The following ZFHX3 variants were observed in gnomAD, a reference collection of about 807,000 sequenced individuals.
ZFHX3 encodes zinc finger homeobox protein 3.
A neutral mutation model predicts 279.1 loss-of-function variants in ZFHX3; 42 were observed. That is an observed-to-expected ratio of 0.15 (90% CI 0.12 to 0.19). The LOEUF (loss-of-function observed/expected upper bound fraction) is 0.19, where lower values mean the gene tolerates loss of function less well. Ranked by LOEUF, ZFHX3 falls within the 10% of genes least tolerant of loss-of-function variation. ZFHX3 has a pLI of 1.00. For missense variants in ZFHX3, 4,981 were observed against 4,754.0 expected (o/e 1.05, Z -1.40); for synonymous variants, 2,293 against 1,957.8 (o/e 1.17, Z -4.52).
intron 5 of ZFHX3, among the ~76,000 whole-genome samples, chr16:73,188,654 G>A (rs1441175674): frequency 6.6e-6 from 1 of 152,078 alleles, no homozygotes; most frequent in Non-Finnish European, 1.5e-5. Flanking sequence ...ATAAAGCCCT[G>A]GCATCTCTGA....
chr16:73,185,825 A>C (rs1967896008), intron 5 of ZFHX3, among the ~76,000 whole-genome samples: 1 of 152,126 alleles, frequency 6.6e-6, no homozygotes, highest in Non-Finnish European at 1.5e-5. Context: ...GCCACGGACC[A>C]GTACTGGTCC....
chr16:73,230,923 T>C (rs1283583344), intron 5 of ZFHX3, among the ~76,000 whole-genome samples: 1 of 152,112 alleles, frequency 6.6e-6, no homozygotes, highest in African/African-American at 2.4e-5. Flanking sequence ...TGAATCCTCA[T>C]GCGGAGGTCT....
intron 3 of ZFHX3, among the ~76,000 whole-genome samples, chr16:73,409,634 G>A (rs1351668790): frequency 6.6e-6 from 1 of 152,170 alleles, no homozygotes; most frequent in Non-Finnish European, 1.5e-5. Flanking sequence ...CCCAAGAAGG[G>A]AAATTAGTAT....
intron 2 of ZFHX3, among the ~76,000 whole-genome samples, chr16:73,559,534 G>T (rs999762060): frequency 6.6e-6 from 1 of 152,096 alleles, no homozygotes; most frequent in Non-Finnish European, 1.5e-5. Flanking sequence ...CTAATGAGTT[G>T]TCAGAAGAGC....
intron 2 of ZFHX3, among the ~76,000 whole-genome samples, chr16:73,584,758 G>A (rs1001991984): frequency 6.6e-6 from 1 of 152,142 alleles, no homozygotes; most frequent in Non-Finnish European, 1.5e-5. Context: ...TTAAACTAGA[G>A]AGCTTCTGTA....
intron 3 of ZFHX3, among the ~76,000 whole-genome samples, chr16:73,445,001 G>A (rs1597337997): frequency 6.8e-6 from 1 of 147,582 alleles, no homozygotes; most frequent in Admixed American, 6.8e-5. Context: ...CAGGTGTGGT[G>A]ACAGGGGCCT....
intron 5 of ZFHX3, among the ~76,000 whole-genome samples, chr16:73,213,113 T>A (rs539313637): frequency 6.6e-6 from 1 of 152,282 alleles, no homozygotes; most frequent in South Asian, 2.1e-4. Context: ...GCGTAGGACA[T>A]AGCTTCCCAA....
chr16:73,565,799 G>A (rs2020442961), intron 2 of ZFHX3, among the ~76,000 whole-genome samples: 1 of 152,132 alleles, frequency 6.6e-6, no homozygotes, highest in Non-Finnish European at 1.5e-5. Flanking sequence ...CCAAGCTAGG[G>A]AGTTCTGAAT....
At chr16:73,567,547 G>A (rs1453584955) in intron 2 of ZFHX3, among the ~76,000 whole-genome samples, 1 of 152,158 alleles carries the variant, frequency 6.6e-6, no homozygotes, top group Non-Finnish European at 1.5e-5. Flanking sequence ...ATTCTCGTTT[G>A]CCAAGGTCAT....
intron 4 of ZFHX3, among the ~76,000 whole-genome samples, chr16:72,878,231 A>C (rs1323782366): frequency 2.6e-5 from 4 of 152,204 alleles, no homozygotes; most frequent in Non-Finnish European, 4.4e-5. Flanking sequence ...TCACCTACCA[A>C]AAGTCCAGCT....
At chr16:73,338,884 A>T (rs1451723633) in intron 3 of ZFHX3, among the ~76,000 whole-genome samples, 7 of 152,222 alleles carry the variant, frequency 4.6e-5, no homozygotes, top group South Asian at 4.2e-4. Flanking sequence ...ATAGTGGATG[A>T]GTTCTTGCAA....
intron 1 of ZFHX3, among the ~76,000 whole-genome samples, chr16:73,840,296 G>T (rs1251053809): frequency 6.6e-6 from 1 of 152,108 alleles, no homozygotes; most frequent in Non-Finnish European, 1.5e-5. Flanking sequence ...GCTGCTAAAA[G>T]GCCCCCTTTT....
intron 3 of ZFHX3, among the ~76,000 whole-genome samples, chr16:73,355,020 A>G (rs1326801352): frequency 6.6e-6 from 1 of 152,196 alleles, no homozygotes; most frequent in Non-Finnish European, 1.5e-5. Context: ...CCACAGAGAG[A>G]AAGAAACAAA....
chr16:73,246,655 T>C lies in ZFHX3; in HGVS notation c.-1104+10392A>G, dbSNP rs1378120935. Reference sequence around the variant, plus strand: ...AAAGGAGAGAGCCATGATAACACAATGTCCTTCTAAATGCTCGTATCTTAA... The same window carrying C: ...AAAGGAGAGAGCCATGATAACACAACGTCCTTCTAAATGCTCGTATCTTAA... On this transcript the variant is annotated intron_variant, in intron 5 of 17. Coordinates refer to the ZFHX3 transcript ENST00000641206. Among the ~76,000 whole-genome samples, 7 of 152,362 alleles carry C rather than the reference T, an allele frequency of 4.6e-5. No individual in the cohort carries two copies. In the East Asian group the frequency reaches 1.3e-3, roughly 29 times the overall value.
At chr16:73,495,880 T>G (rs2019132460) in intron 2 of ZFHX3, among the ~76,000 whole-genome samples, 1 of 152,242 alleles carries the variant, frequency 6.6e-6, no homozygotes, top group Admixed American at 6.5e-5. Context: ...ACATGAATTT[T>G]TATTTCATTT....
intron 4 of ZFHX3, among the ~76,000 whole-genome samples, chr16:73,303,963 GA>G (rs201865011): frequency 0.054 from 4,099 of 75,866 alleles, 62 homozygotes; most frequent in African/African-American, 0.066. Flanking sequence ...ACCCTAGGTG[GA>G]AAAAAAAAAA....
At chr16:73,793,187 C>CA (rs1349687904) in intron 1 of ZFHX3, among the ~76,000 whole-genome samples, 1 of 152,066 alleles carries the variant, frequency 6.6e-6, no homozygotes, top group Non-Finnish European at 1.5e-5. Context: ...AACAAACAAA[C>CA]AAAAAAGGCA....
At chr16:73,218,078 C>T (rs1023332751) in intron 5 of ZFHX3, among the ~76,000 whole-genome samples, 2 of 152,066 alleles carry the variant, frequency 1.3e-5, no homozygotes, top group Non-Finnish European at 2.9e-5. Context: ...ACCTAACGGG[C>T]CTTCAGTGAT....
intron 1 of ZFHX3, among the ~76,000 whole-genome samples, chr16:73,753,864 A>G (rs918935381): frequency 4.6e-5 from 7 of 152,358 alleles, no homozygotes; most frequent in Middle Eastern, 3.4e-3. Context: ...AGAGATGGAC[A>G]GGAATCTCTA....
Sources: allele counts gnomAD v4.1 joint callset (sites outside exome capture counted in the v4.1 genomes callset), GRCh38; gene constraint gnomAD v4.1.1; transcripts MANE v1.5; gene names NCBI Gene and HGNC (gene_info 2026-07-23, HGNC 2026-07-21).